SLC30A10: variants seen among roughly 807,000 people sequenced by gnomAD.
The protein encoded by SLC30A10 is solute carrier family 30 member 10.
A neutral mutation model predicts 21.7 loss-of-function variants in SLC30A10; 8 were observed. That is an observed-to-expected ratio of 0.37 (90% CI 0.22 to 0.67). The LOEUF is 0.67. SLC30A10 is among the 30% of genes least tolerant of loss of function. SLC30A10 has a pLI of 0.58. For synonymous variants in SLC30A10, 272 were observed against 279.4 expected, an observed-to-expected ratio of 0.97 and a Z score of 0.26; for missense variants, 521 against 642.5, an observed-to-expected ratio of 0.81 and a Z score of 2.04.
In SLC30A10 at chr1:219,911,149, G is replaced by GTTTTTTTTTTTTTTTTTTT; in HGVS notation, c.*4281_*4299dup. ...ATGTTTCTTCATTTTTTCTACATCAGTTTTTTTTTTTTTTTTTTTTTTTTT... is the reference window on the plus strand; with the variant it reads ...ATGTTTCTTCATTTTTTCTACATCAGTTTTTTTTTTTTTTTTTTTTTTTTTTTTTTTTTTTTTTTTTTTT... On this transcript the variant is annotated 3_prime_UTR_variant, in exon 4 of 4. Transcript: ENST00000366926. Among the ~76,000 whole-genome samples the GTTTTTTTTTTTTTTTTTTT allele has an allele frequency of 1.8e-4, 9 of 49,416 alleles. No individual in the cohort carries two copies. Among genetic ancestry groups the GTTTTTTTTTTTTTTTTTTT allele is most frequent in the African/African-American group, 2.3e-4 (4 of 17,174 alleles). 32.4% of individuals were successfully genotyped at this position (49,416 alleles called of 152,430 possible).
At position 219,915,187 on chromosome 1, in the gene SLC30A10, T is replaced by G. The variant is rs1175264123; in HGVS notation, c.*262A>C. 1 of 490,358 alleles carries G rather than the reference T, an allele frequency of 2.0e-6. No individual in the cohort carries two copies. Among genetic ancestry groups the G allele is most frequent in the Non-Finnish European group, 3.7e-6 (1 of 270,132 alleles). The allele number at this position is 490,358 out of a possible 1,614,324, so 30.4% of individuals were successfully genotyped here. A position where few individuals can be genotyped will look rare whatever the true frequency, so the allele number is the denominator to read the frequency against. On this transcript the variant is annotated 3_prime_UTR_variant, in exon 4 of 4. Transcript: ENST00000366926. ...TTAATGTCCCTGATATATACACTAG[T>G]GCAGTTTGCTTTAGAAAATGCATGT...
chr1:219,954,237 G>A (rs1343878544), intron 1 of SLC30A10, among the ~76,000 whole-genome samples: 1 of 152,054 alleles, frequency 6.6e-6, no homozygotes, highest in Admixed American at 6.6e-5. Context: ...CAACTAATCA[G>A]CAGTGTGTTA....
intron 2 of SLC30A10, among the ~76,000 whole-genome samples, chr1:219,926,269 A>ACAGG (rs1659823232): frequency 1.3e-5 from 2 of 152,214 alleles, no homozygotes; most frequent in South Asian, 4.1e-4. Flanking sequence ...AGCCCCACTT[A>ACAGG]CAGGCTTTCC....
intron 1 of SLC30A10, among the ~76,000 whole-genome samples, chr1:219,934,905 C>G (rs1660026311): frequency 6.6e-6 from 1 of 152,140 alleles, no homozygotes; most frequent in African/African-American, 2.4e-5. Flanking sequence ...TAGAGAAACC[C>G]TGTGCTTGGG....
intron 1 of SLC30A10, among the ~76,000 whole-genome samples, chr1:219,934,613 G>A (rs966963733): frequency 1.3e-5 from 2 of 152,046 alleles, no homozygotes; most frequent in East Asian, 1.9e-4. Flanking sequence ...TTTTTTTCTC[G>A]AAGTATTTCA....
upstream of SLC30A10, among the ~76,000 whole-genome samples, chr1:219,932,953 C>T (rs1321381447): frequency 1.3e-5 from 2 of 150,756 alleles, no homozygotes; most frequent in Non-Finnish European, 1.5e-5. Context: ...CCCAGCTACT[C>T]GGGAGGCTGA....
At position 219,911,148 on chromosome 1, in the gene SLC30A10, A is replaced by ATTTTT. The variant is rs1659399888; in HGVS notation, c.*4300_*4301insAAAAA. Among the ~76,000 whole-genome samples, 2 of 38,590 alleles carry ATTTTT rather than the reference A, an allele frequency of 5.2e-5. No individual in the cohort carries two copies. Among genetic ancestry groups the ATTTTT allele is most frequent in the Admixed American group, 3.5e-4 (1 of 2,840 alleles). The allele number at this position is 38,590 out of a possible 152,430, so 25.3% of individuals were successfully genotyped here. On this transcript the variant is annotated 3_prime_UTR_variant, in exon 4 of 4. Coordinates refer to ENST00000366926, the MANE Select transcript of SLC30A10 (RefSeq NM_018713.3). The stretch of plus-strand genomic sequence containing the variant: ...CATGTTTCTTCATTTTTTCTACATC[A>ATTTTT]GTTTTTTTTTTTTTTTTTTTTTTTT...
intron 1 of SLC30A10, among the ~76,000 whole-genome samples, chr1:219,947,549 C>T (rs1228287254): frequency 1.3e-5 from 2 of 152,036 alleles, no homozygotes; most frequent in Non-Finnish European, 2.9e-5. Context: ...AAATTACCTC[C>T]TCAAAATTCT....
intron 1 of SLC30A10, among the ~76,000 whole-genome samples, chr1:219,954,272 G>T (rs1210518478): frequency 6.6e-6 from 1 of 152,054 alleles, no homozygotes; most frequent in Non-Finnish European, 1.5e-5. Context: ...AATACACTTT[G>T]CTGGATGCTG....
intron 3 of SLC30A10, among the ~76,000 whole-genome samples, chr1:219,917,897 G>A (rs1374154034): frequency 6.6e-6 from 1 of 151,974 alleles, no homozygotes; most frequent in Non-Finnish European, 1.5e-5. Flanking sequence ...ATTTTTAGTA[G>A]AGACAGGGTT....
intron 1 of SLC30A10, among the ~76,000 whole-genome samples, chr1:219,941,853 G>A (rs1345161040): frequency 6.6e-6 from 1 of 152,180 alleles, no homozygotes; most frequent in African/African-American, 2.4e-5. Flanking sequence ...TCACTCGCTG[G>A]GAAAGGATAC....
intron 1 of SLC30A10, among the ~76,000 whole-genome samples, chr1:219,954,001 C>T (rs542728612): frequency 4.6e-5 from 7 of 152,144 alleles, no homozygotes; most frequent in African/African-American, 1.2e-4. Context: ...CCACCGCGCC[C>T]GGCCTCAAAT....
chr1:219,951,866 G>C (rs1660277251), intron 1 of SLC30A10, among the ~76,000 whole-genome samples: 1 of 152,116 alleles, frequency 6.6e-6, no homozygotes. Flanking sequence ...CTCCCAAAGT[G>C]CTGGGATTAC....
At position 219,915,354 on chromosome 1, in the gene SLC30A10, T is replaced by C; in HGVS notation, c.*95A>G. Reference sequence around the variant, plus strand: ...ACACAGAGCATGCATGCTGCAAGTCTAGTCTGGGCCTACAACCCAGAAAGC... The same window carrying C: ...ACACAGAGCATGCATGCTGCAAGTCCAGTCTGGGCCTACAACCCAGAAAGC... On this transcript the variant is annotated 3_prime_UTR_variant, in exon 4 of 4. Transcript: ENST00000366926. 1 of 1,447,780 alleles carries C rather than the reference T, an allele frequency of 6.9e-7. No individual in the cohort carries two copies. Among genetic ancestry groups the C allele is most frequent in the Non-Finnish European group, 9.4e-7 (1 of 1,063,154 alleles). The allele number at this position is 1,447,780 out of a possible 1,614,324, so 89.7% of individuals were successfully genotyped here. A position where few individuals can be genotyped will look rare whatever the true frequency, so the allele number is the denominator to read the frequency against.
chr1:219,939,117 A>T (rs1660083579), intron 1 of SLC30A10, among the ~76,000 whole-genome samples: 1 of 152,214 alleles, frequency 6.6e-6, no homozygotes, highest in Non-Finnish European at 1.5e-5. Flanking sequence ...TTGGGGCTAG[A>T]AAGATACAAA....
At chr1:219,921,584 TACAAATTGCA>T (rs1659676710) in intron 2 of SLC30A10, among the ~76,000 whole-genome samples, 1 of 152,196 alleles carries the variant, frequency 6.6e-6, no homozygotes, top group African/African-American at 2.4e-5. Flanking sequence ...AGCACAGAGA[TACAAATTGCA>T]ACAAATAATT....
chr1:219,955,676 G>C (rs6661109), intron 1 of SLC30A10, among the ~76,000 whole-genome samples: 66,919 of 151,948 alleles, frequency 0.44, 15,075 homozygotes, highest in South Asian at 0.52. Context: ...ACAAGTAAAA[G>C]ATCCACAAAA....
Position 219,915,508 on chromosome 1 carries a change from C to T in SLC30A10, c.1399G>A (p.Gly467Arg), listed in dbSNP as rs372826011. 59 of 1,614,092 alleles carry T rather than the reference C, an allele frequency of 3.7e-5. No individual in the cohort carries two copies. Among genetic ancestry groups the T allele is most frequent in the Admixed American group, 8.3e-5 (5 of 60,010 alleles). Reference sequence around the variant, plus strand: ...TCCTGAGTTTTGTTAAGACTTTGTCCGTGGTCACTCAGACAGCTATCCAAA... The same window carrying T: ...TCCTGAGTTTTGTTAAGACTTTGTCTGTGGTCACTCAGACAGCTATCCAAA... Reference protein sequence around the residue: ...VSLDSCLSDHGQSLNKTQEDQ... With the variant: ...VSLDSCLSDHRQSLNKTQEDQ... Residue 467 changes from glycine (G) to arginine (R), a missense_variant, in exon 4 of 4, where the codon GGA becomes AGA. Transcript: ENST00000366926.
At chr1:219,944,941 G>C (rs1365995871) in intron 1 of SLC30A10, among the ~76,000 whole-genome samples, 1 of 152,140 alleles carries the variant, frequency 6.6e-6, no homozygotes, top group Non-Finnish European at 1.5e-5. Flanking sequence ...AACTGGCAGA[G>C]TGGCTAAAAC....
Sources: gnomAD v4.1 joint callset for allele counts (sites outside exome capture counted in the v4.1 genomes callset) on GRCh38, gnomAD v4.1.1 for gene constraint, MANE v1.5 for transcripts, NCBI Gene and HGNC (gene_info 2026-07-23, HGNC 2026-07-21) for gene names.